Variants in TMEM120B observed in about 807,000 individuals in gnomAD.
TMEM120B encodes transmembrane protein 120B.
In TMEM120B, 31 loss-of-function variants were observed where a neutral mutation model predicts 55.5. That is an observed-to-expected ratio of 0.56 (90% CI 0.42 to 0.75). The LOEUF (loss-of-function observed/expected upper bound fraction) is 0.75, where lower values mean the gene tolerates loss of function less well. Ranked by LOEUF, TMEM120B falls within the 30% of genes least tolerant of loss-of-function variation. The pLI is 0.00. For synonymous variants in TMEM120B, 203 were observed against 176.3 expected, an observed-to-expected ratio of 1.15 and a Z score of -1.20; for missense variants, 399 against 425.5, an observed-to-expected ratio of 0.94 and a Z score of 0.55.
chr12:121,768,932 G>A (rs905802267), intron 6 of TMEM120B, among the ~76,000 whole-genome samples: 3 of 152,088 alleles, frequency 2.0e-5, no homozygotes, highest in African/African-American at 7.2e-5. Context: ...GATCCCCTGA[G>A]GTCAGGAGTT....
chr12:121,742,143 C>T (rs1187514762), intron 1 of TMEM120B, among the ~76,000 whole-genome samples: 1 of 152,096 alleles, frequency 6.6e-6, no homozygotes, highest in African/African-American at 2.4e-5. Flanking sequence ...GCTGGGACTA[C>T]AGGCATACGC....
At chr12:121,742,163 C>T (rs564780343) in intron 1 of TMEM120B, among the ~76,000 whole-genome samples, 55 of 152,166 alleles carry the variant, frequency 3.6e-4, no homozygotes, top group African/African-American at 1.1e-3. Context: ...CCACCATGCC[C>T]GGCTGATTTT....
At chr12:121,713,521 T>C (rs1894640231) in intron 1 of TMEM120B, among the ~76,000 whole-genome samples, 1 of 152,184 alleles carries the variant, frequency 6.6e-6, no homozygotes, top group African/African-American at 2.4e-5. Context: ...TGCTGCAGGC[T>C]GATTTTGGCG....
At chr12:121,728,774 G>A (rs1364303218) in intron 1 of TMEM120B, among the ~76,000 whole-genome samples, 1 of 152,180 alleles carries the variant, frequency 6.6e-6, no homozygotes, top group Non-Finnish European at 1.5e-5. Flanking sequence ...TTAGGGCTCC[G>A]CTTTCATCTA....
Position 121,776,090 on chromosome 12 carries a change from G to C in TMEM120B, c.*368G>C. ...GTGGGGTTTGGATGTGCCTCGCGGG[G>C]TTGGATTTATGCTGACCTGCTACTT... On this transcript the variant is annotated 3_prime_UTR_variant, in exon 12 of 12. Transcript: ENST00000449592. 1.9e-6 allele frequency: 1 copy of C among 535,732 alleles called. No homozygotes were observed. Among genetic ancestry groups the C allele is most frequent in the East Asian group, 3.1e-5 (1 of 31,828 alleles). 33.2% of individuals were successfully genotyped at this position (535,732 alleles called of 1,614,324 possible). A position where few individuals can be genotyped will look rare whatever the true frequency, so the allele number is the denominator to read the frequency against.
intron 6 of TMEM120B, among the ~76,000 whole-genome samples, chr12:121,764,582 G>A (rs1873785924): frequency 6.6e-6 from 1 of 152,054 alleles, no homozygotes; most frequent in African/African-American, 2.4e-5. Flanking sequence ...AGGAGGCTGA[G>A]GTGGGAGGAT....
intron 1 of TMEM120B, among the ~76,000 whole-genome samples, chr12:121,719,342 C>T (rs549499093): frequency 4.6e-5 from 7 of 152,146 alleles, no homozygotes; most frequent in African/African-American, 1.7e-4. Flanking sequence ...GTAATCCCAA[C>T]AGGAGGCTGA....
intron 6 of TMEM120B, among the ~76,000 whole-genome samples, chr12:121,768,093 G>A (rs1055405410): frequency 1.3e-5 from 2 of 152,198 alleles, no homozygotes; most frequent in Non-Finnish European, 2.9e-5. Context: ...GAGCCCAGGG[G>A]CTTCTTAGAC....
At chr12:121,768,656 C>G (rs996365414) in intron 6 of TMEM120B, among the ~76,000 whole-genome samples, 1 of 152,212 alleles carries the variant, frequency 6.6e-6, no homozygotes, top group Non-Finnish European at 1.5e-5. Context: ...AGGGAGTTGG[C>G]TGCTCCTGGG....
At chr12:121,764,801 C>G (rs879319450) in intron 6 of TMEM120B, among the ~76,000 whole-genome samples, 1 of 152,154 alleles carries the variant, frequency 6.6e-6, no homozygotes, top group Non-Finnish European at 1.5e-5. Context: ...GTGGAGGTCT[C>G]TGCAAGTGTG....
intron 2 of TMEM120B, among the ~76,000 whole-genome samples, chr12:121,745,967 TCTC>T (rs2078398570): frequency 6.6e-6 from 1 of 150,936 alleles, no homozygotes; most frequent in Non-Finnish European, 1.5e-5. Context: ...TTCAAGTGAT[TCTC>T]CTGCCTCAGC....
chr12:121,722,250 T>C (rs1894807981), intron 1 of TMEM120B, among the ~76,000 whole-genome samples: 1 of 152,092 alleles, frequency 6.6e-6, no homozygotes, highest in Non-Finnish European at 1.5e-5. Flanking sequence ...AGGCGTGTGC[T>C]ACCACAGCAG....
At position 121,730,066 on chromosome 12, in the gene TMEM120B, C is replaced by T. The variant is rs145062954; in HGVS notation, c.70-13563C>T. ...ATGAGGTCAGGAGATCGATACCATC[C>T]TGGCCAACATGGTGAAACCCCGTCT... On this transcript the variant is annotated intron_variant, in intron 1 of 11. Transcript: ENST00000449592. 1.8e-3 allele frequency among the ~76,000 whole-genome samples: 276 copies of T among 151,822 alleles called. 3 individuals carry two copies. Among genetic ancestry groups the T allele is most frequent in the African/African-American group, 6.5e-3 (268 of 41,414 alleles).
At chr12:121,767,957 G>A (rs572181677) in intron 6 of TMEM120B, among the ~76,000 whole-genome samples, 38 of 152,308 alleles carry the variant, frequency 2.5e-4, no homozygotes, top group Middle Eastern at 3.4e-3. Context: ...GGAGTGTGGC[G>A]CCTGCCAAGT....
chr12:121,713,891 C>A (rs528513715), intron 1 of TMEM120B, among the ~76,000 whole-genome samples: 2 of 152,292 alleles, frequency 1.3e-5, no homozygotes, highest in Non-Finnish European at 2.9e-5. Flanking sequence ...ACATTGCACA[C>A]TATCACCCCA....
intron 1 of TMEM120B, among the ~76,000 whole-genome samples, chr12:121,721,458 T>C (rs1251526419): frequency 6.6e-6 from 1 of 150,592 alleles, no homozygotes; most frequent in African/African-American, 2.4e-5. Context: ...AGACTATAGG[T>C]ATGAGTGCCT....
chr12:121,772,972 G>C (rs1874112438), intron 8 of TMEM120B, among the ~76,000 whole-genome samples: 1 of 152,126 alleles, frequency 6.6e-6, no homozygotes. Context: ...CCTGCCTTTT[G>C]AATTTTTAAC....
At chr12:121,713,145 C>T (rs567665319) in intron 1 of TMEM120B, among the ~76,000 whole-genome samples, 181 bp downstream of exon 1, 1 of 152,032 alleles carries the variant, frequency 6.6e-6, no homozygotes, top group Non-Finnish European at 1.5e-5. Context: ...TTCAGCTCTT[C>T]GTCCACGTGG....
chr12:121,748,106 CTGGGGT>C (rs1451794202), intron 2 of TMEM120B, among the ~76,000 whole-genome samples: 23 of 28,748 alleles, frequency 8.0e-4, no homozygotes, highest in African/African-American at 3.3e-3. Flanking sequence ...AGGTGGGAGG[CTGGGGT>C]AGAAGGTGGG....
Sources: allele counts gnomAD v4.1 joint callset (sites outside exome capture counted in the v4.1 genomes callset), GRCh38; gene constraint gnomAD v4.1.1; transcripts MANE v1.5; gene names NCBI Gene and HGNC (gene_info 2026-07-23, HGNC 2026-07-21).